AGBL1: variants seen among roughly 807,000 people sequenced by gnomAD.
AGBL1 encodes cytosolic carboxypeptidase 4.
AGBL1 carries 130 observed loss-of-function variants against 118.9 expected under a neutral mutation model. That is an observed-to-expected ratio of 1.09 (90% CI 0.95 to 1.26). AGBL1 has a LOEUF of 1.26. Among genes scored for constraint, AGBL1 ranks in the 50% most tolerant of loss-of-function variants. AGBL1 has a pLI of 0.00. For synonymous variants in AGBL1, 555 were observed against 478.9 expected (o/e 1.16, Z -2.08); for missense variants, 1,584 against 1,298.1 (o/e 1.22, Z -3.38).
intron 1 of AGBL1, among the ~76,000 whole-genome samples, chr15:86,099,424 C>T (rs918148355): frequency 1.6e-4 from 25 of 151,878 alleles, no homozygotes; most frequent in Admixed American, 1.3e-4. Flanking sequence ...TGTCACTTTA[C>T]TGAAATTGTT....
chr15:86,223,914 G>A (rs2078318182), intron 5 of AGBL1, among the ~76,000 whole-genome samples: 1 of 152,214 alleles, frequency 6.6e-6, no homozygotes, highest in African/African-American at 2.4e-5. Context: ...AGAGGCCAGG[G>A]TAGGGCCACT....
chr15:87,011,352 C>A (rs1036224694), intron 24 of AGBL1, among the ~76,000 whole-genome samples: 8 of 152,118 alleles, frequency 5.3e-5, no homozygotes, highest in African/African-American at 1.7e-4. Context: ...TGTGTTGATC[C>A]ATTGAGAACA....
At chr15:86,981,387 A>C (rs1221027785) in intron 23 of AGBL1, among the ~76,000 whole-genome samples, 1 of 152,214 alleles carries the variant, frequency 6.6e-6, no homozygotes, top group Non-Finnish European at 1.5e-5. Context: ...ATTGTTTTTC[A>C]AACTTTGCCT....
At chr15:86,639,711 G>C (rs983865097) in intron 21 of AGBL1, among the ~76,000 whole-genome samples, 1 of 152,140 alleles carries the variant, frequency 6.6e-6, no homozygotes, top group African/African-American at 2.4e-5. Context: ...CACAGAAATG[G>C]TCTGGCAACT....
chr15:86,279,586 A>C (rs1386307181), intron 15 of AGBL1, 53 bp from the exon 16 acceptor site: 4 of 1,559,828 alleles, frequency 2.6e-6, no homozygotes, highest in East Asian at 4.5e-5. Context: ...ATGACCCTGC[A>C]CCCCCCTCCC....
At chr15:86,680,820 G>T (rs1022205226) in intron 22 of AGBL1, among the ~76,000 whole-genome samples, 4 of 151,832 alleles carry the variant, frequency 2.6e-5, no homozygotes, top group African/African-American at 9.7e-5. Context: ...ACCCACCTCA[G>T]CCTCCCAAAG....
intron 1 of AGBL1, among the ~76,000 whole-genome samples, chr15:86,116,331 G>C (rs1041710543): frequency 2.0e-5 from 3 of 152,204 alleles, no homozygotes; most frequent in African/African-American, 7.2e-5. Context: ...TAGTGCTAAA[G>C]CTGAAGGATT....
intron 18 of AGBL1, among the ~76,000 whole-genome samples, chr15:86,462,967 C>T (rs1406553191): frequency 6.6e-6 from 1 of 152,112 alleles, no homozygotes; most frequent in African/African-American, 2.4e-5. Context: ...AATGGGATTG[C>T]TGGGTCAAAT....
intron 16 of AGBL1, 70 bp from the exon 17 acceptor site, chr15:86,295,185 T>G: frequency 1.3e-6 from 2 of 1,518,378 alleles, no homozygotes; most frequent in Non-Finnish European, 1.8e-6. Flanking sequence ...ATGTAAGCCG[T>G]TGTTGTTTTC....
chr15:86,203,530 A>G (rs930924492), intron 5 of AGBL1, among the ~76,000 whole-genome samples: 2 of 152,242 alleles, frequency 1.3e-5, no homozygotes, highest in Admixed American at 6.5e-5. Flanking sequence ...ATAGTTGGAT[A>G]GAATTTTGAC....
chr15:86,806,014 G>T (rs1406113491), intron 22 of AGBL1, among the ~76,000 whole-genome samples: 2 of 152,084 alleles, frequency 1.3e-5, no homozygotes, highest in East Asian at 1.9e-4. Context: ...TTCCTGCCAA[G>T]AATTGATCAG....
chr15:86,978,330 G>A (rs746909840), intron 23 of AGBL1, among the ~76,000 whole-genome samples: 5 of 152,170 alleles, frequency 3.3e-5, no homozygotes, highest in Non-Finnish European at 7.3e-5. Flanking sequence ...AGCACAAAGC[G>A]ATTGTAAGTT....
chr15:86,895,763 T>C (rs528274876), intron 22 of AGBL1, among the ~76,000 whole-genome samples: 21 of 152,192 alleles, frequency 1.4e-4, no homozygotes, highest in Admixed American at 1.3e-3. Flanking sequence ...TTAATTTGTT[T>C]TTATGGAAAA....
At chr15:86,109,281 A>G (rs1421714564) in intron 1 of AGBL1, among the ~76,000 whole-genome samples, 1 of 152,210 alleles carries the variant, frequency 6.6e-6, no homozygotes, top group Non-Finnish European at 1.5e-5. Context: ...CAAAACTACA[A>G]ATACAAAATT....
At position 86,788,919 on chromosome 15, in the gene AGBL1, C is replaced by A. The variant is rs57175955; in HGVS notation, c.3158+114483C>A. On this transcript the variant is annotated intron_variant, in intron 22 of 22. Coordinates refer to ENST00000614907, the MANE Select transcript of AGBL1 (RefSeq NM_001386094.1). ...AAGGCAGGCATAAGATTGGGGTTCACAGATAAGCACAAATCATAGAAAAAG... is the reference window on the plus strand; with the variant it reads ...AAGGCAGGCATAAGATTGGGGTTCAAAGATAAGCACAAATCATAGAAAAAG... Among the ~76,000 whole-genome samples, 996 of 152,230 alleles carry A rather than the reference C, an allele frequency of 6.5e-3. 14 individuals carry two copies. Among genetic ancestry groups the A allele is most frequent in the African/African-American group, 0.023 (947 of 41,528 alleles).
rs912449112 is a variant in AGBL1 at position 86,765,812 on chromosome 15, G to A, written c.3158+91376G>A. On this transcript the variant is annotated intron_variant, in intron 22 of 22. Transcript: ENST00000614907. ...GGCTGGGAAATAATTTATAACCAAAGGACAGATAAAACACAACAGGATTAT... is the reference window on the plus strand; with the variant it reads ...GGCTGGGAAATAATTTATAACCAAAAGACAGATAAAACACAACAGGATTAT... 3.3e-5 allele frequency among the ~76,000 whole-genome samples: 5 copies of A among 151,910 alleles called. No homozygotes were observed. The East Asian group carries it at 9.8e-4, about 30-fold the overall frequency.
At chr15:86,790,554 T>C (rs993335657) in intron 22 of AGBL1, among the ~76,000 whole-genome samples, 2 of 152,210 alleles carry the variant, frequency 1.3e-5, no homozygotes, top group African/African-American at 2.4e-5. Flanking sequence ...TTTTCTAGAA[T>C]ACTGAGATAT....
At chr15:86,889,701 C>G (rs2080023493) in intron 22 of AGBL1, among the ~76,000 whole-genome samples, 1 of 152,174 alleles carries the variant, frequency 6.6e-6, no homozygotes. Context: ...CCAGCTCCAT[C>G]CATGTCCCTG....
intron 18 of AGBL1, among the ~76,000 whole-genome samples, chr15:86,471,277 GC>G (rs1736740099): frequency 6.6e-6 from 1 of 152,076 alleles, no homozygotes; most frequent in Non-Finnish European, 1.5e-5. Context: ...TTTGTCAAAT[GC>G]TTTTTCTGCA....
Sources: gnomAD v4.1 joint callset for allele counts (sites outside exome capture counted in the v4.1 genomes callset) on GRCh38, gnomAD v4.1.1 for gene constraint, MANE v1.5 for transcripts, NCBI Gene and HGNC (gene_info 2026-07-23, HGNC 2026-07-21) for gene names.